SPMAP2L: variants seen among roughly 807,000 people sequenced by gnomAD.
SPMAP2L encodes sperm microtubule associated protein 2-like.
At chr4:56,596,642 G>A in the SPMAP2L span, 11,697 of 1,504,712 alleles carry the variant, frequency 7.8e-3, 504 homozygotes, top group African/African-American at 0.11. Context: ...GTAAGCCATC[G>A]CTACCTTGGT....
the SPMAP2L span, chr4:56,601,135 G>T: frequency 6.6e-7 from 1 of 1,525,198 alleles, no homozygotes; most frequent in Non-Finnish European, 8.8e-7. Flanking sequence ...GCTAAAGTGG[G>T]ACAGGAAAGG....
chr4:56,583,694 G>A, the SPMAP2L span, among the ~76,000 whole-genome samples: 2 of 152,166 alleles, frequency 1.3e-5, no homozygotes, highest in Non-Finnish European at 2.9e-5. Flanking sequence ...CTACAGAGGA[G>A]ACTGGCCATT....
the SPMAP2L span, among the ~76,000 whole-genome samples, chr4:56,559,757 C>T: frequency 6.6e-6 from 1 of 151,998 alleles, no homozygotes; most frequent in Non-Finnish European, 1.5e-5. Flanking sequence ...TTAGTAGAGA[C>T]AGGGTTTCAC....
At chr4:56,606,005 G>T in the SPMAP2L span, among the ~76,000 whole-genome samples, 21 of 152,186 alleles carry the variant, frequency 1.4e-4, no homozygotes, top group African/African-American at 5.1e-4. Context: ...TTACATTTGA[G>T]TCCCCCTCCC....
the SPMAP2L span, among the ~76,000 whole-genome samples, chr4:56,531,805 C>T: frequency 6.6e-6 from 1 of 152,176 alleles, no homozygotes; most frequent in Admixed American, 6.5e-5. Flanking sequence ...ATGACCCAAC[C>T]CAAAGCAATT....
At chr4:56,533,670 G>A in the SPMAP2L span, among the ~76,000 whole-genome samples, 24 of 151,984 alleles carry the variant, frequency 1.6e-4, no homozygotes, top group South Asian at 2.1e-4. Flanking sequence ...GCAATGGACC[G>A]GATGCGGTGC....
the SPMAP2L span, among the ~76,000 whole-genome samples, chr4:56,597,327 G>A: frequency 6.6e-6 from 1 of 152,210 alleles, no homozygotes; most frequent in Non-Finnish European, 1.5e-5. Context: ...AGCAATAACA[G>A]GTAAGTCATG....
At chr4:56,592,190 A>C in the SPMAP2L span, among the ~76,000 whole-genome samples, 1 of 152,312 alleles carries the variant, frequency 6.6e-6, no homozygotes, top group South Asian at 2.1e-4. Flanking sequence ...CCTTATGAGA[A>C]TTTAATGCCT....
the SPMAP2L span, among the ~76,000 whole-genome samples, chr4:56,586,697 A>G: frequency 1.2e-4 from 19 of 152,322 alleles, no homozygotes; most frequent in African/African-American, 4.6e-4. Context: ...CTGAGAAGGA[A>G]TATACTAATA....
At chr4:56,594,598 G>A in the SPMAP2L span, 1 of 1,553,698 alleles carries the variant, frequency 6.4e-7, no homozygotes, top group Non-Finnish European at 8.9e-7. Flanking sequence ...GCCTCATTCT[G>A]AAATCAACAC....
chr4:56,543,136 T>C, the SPMAP2L span, among the ~76,000 whole-genome samples: 1 of 150,914 alleles, frequency 6.6e-6, no homozygotes, highest in Non-Finnish European at 1.5e-5. Context: ...CAGGCTGGAG[T>C]GCAGGGGTGC....
chr4:56,611,306 C>T, the SPMAP2L span, among the ~76,000 whole-genome samples: 75,183 of 151,994 alleles, frequency 0.49, 19,912 homozygotes, highest in African/African-American at 0.69. Flanking sequence ...CTGAATGAGA[C>T]TGGAGACTAT....
chr4:56,586,848 G>A, the SPMAP2L span, among the ~76,000 whole-genome samples: 2 of 151,872 alleles, frequency 1.3e-5, no homozygotes, highest in African/African-American at 2.4e-5. Flanking sequence ...AGATTCAAGG[G>A]GGCAGCGACA....
chr4:56,604,776 G>T, the SPMAP2L span, among the ~76,000 whole-genome samples: 1 of 152,130 alleles, frequency 6.6e-6, no homozygotes, highest in African/African-American at 2.4e-5. Flanking sequence ...CCAACAAGTG[G>T]ATAAAGAGAG....
the SPMAP2L span, among the ~76,000 whole-genome samples, chr4:56,565,849 CCT>C: frequency 6.6e-6 from 1 of 151,936 alleles, no homozygotes; most frequent in Non-Finnish European, 1.5e-5. Flanking sequence ...ACAAATTGAC[CCT>C]TTTTTATCAT....
At chr4:56,572,529 C>T in the SPMAP2L span, among the ~76,000 whole-genome samples, 2 of 152,122 alleles carry the variant, frequency 1.3e-5, no homozygotes, top group African/African-American at 2.4e-5. Flanking sequence ...GTGCTCAATA[C>T]GTATTTTTTG....
the SPMAP2L span, among the ~76,000 whole-genome samples, chr4:56,616,579 T>A: frequency 6.6e-6 from 1 of 152,190 alleles, no homozygotes; most frequent in Non-Finnish European, 1.5e-5. Context: ...CCCTTTAATA[T>A]TGACAAAATC....
chr4:56,557,170 G>A, the SPMAP2L span, among the ~76,000 whole-genome samples: 1 of 151,614 alleles, frequency 6.6e-6, no homozygotes, highest in East Asian at 2.0e-4. Flanking sequence ...AATTGCTTAA[G>A]CCTGGGAGGC....
the SPMAP2L span, among the ~76,000 whole-genome samples, chr4:56,604,426 G>A: frequency 1.1e-4 from 17 of 152,246 alleles, no homozygotes; most frequent in South Asian, 4.1e-4. Context: ...TTGGGAGGCC[G>A]AGGCAGATGG....
Sources: gnomAD v4.1 joint callset for allele counts (sites outside exome capture counted in the v4.1 genomes callset) on GRCh38, gnomAD v4.1.1 for gene constraint, MANE v1.5 for transcripts, NCBI Gene and HGNC (gene_info 2026-07-23, HGNC 2026-07-21) for gene names.